ARHGEF4: variants seen among roughly 807,000 people sequenced by gnomAD.
ARHGEF4 encodes the protein Rho guanine nucleotide exchange factor 4.
ARHGEF4 carries 119 observed loss-of-function variants against 162.0 expected under a neutral mutation model. The ratio of observed to expected loss-of-function variants is 0.73; its 90% CI spans 0.63 to 0.86. The LOEUF is 0.86. ARHGEF4 is among the 40% of genes least tolerant of loss of function. ARHGEF4 has a pLI of 0.00. For missense variants in ARHGEF4, 2,488 were observed against 2,456.0 expected, an observed-to-expected ratio of 1.01 and a Z score of -0.28; for synonymous variants, 1,014 against 979.9, an observed-to-expected ratio of 1.03 and a Z score of -0.65.
intron 4 of ARHGEF4, among the ~76,000 whole-genome samples, chr2:130,982,722 A>G (rs1686213043): frequency 6.6e-6 from 1 of 152,100 alleles, no homozygotes; most frequent in South Asian, 2.1e-4. Context: ...TACCAAAAAT[A>G]CATCTTCATA....
rs2105368911 is a variant in ARHGEF4, at chr2:131,028,025, A to G, written c.4066A>G (p.Ser1356Gly). The G allele has an allele frequency of 1.2e-6, 2 of 1,613,966 alleles. No individual in the cohort carries two copies. Among genetic ancestry groups the G allele is most frequent in the Non-Finnish European group, 1.7e-6 (2 of 1,180,012 alleles). The change falls in exon 5 of 14, where the codon AGC becomes GGC. Residue 1356 changes from serine (S) to glycine (G), a missense_variant. Transcript: ENST00000409359. ...SEEDLYDDLH[S>G]SSHHYSHPGG... Reference sequence around the variant, plus strand: ...GGAGGACCTGTATGATGACCTGCACAGCTCCAGCCACCACTACAGCCACCC... The same window carrying G: ...GGAGGACCTGTATGATGACCTGCACGGCTCCAGCCACCACTACAGCCACCC...
chr2:131,034,303 C>A (rs983416339), intron 5 of ARHGEF4, among the ~76,000 whole-genome samples: 1 of 152,228 alleles, frequency 6.6e-6, no homozygotes, highest in African/African-American at 2.4e-5. Context: ...GAAGGACACA[C>A]TGACTGTACC....
At chr2:130,899,223 T>C (rs1317550896) in intron 1 of ARHGEF4, among the ~76,000 whole-genome samples, 1 of 152,218 alleles carries the variant, frequency 6.6e-6, no homozygotes, top group Non-Finnish European at 1.5e-5. Context: ...ACATAACATA[T>C]TCATGGGCAT....
intron 4 of ARHGEF4, among the ~76,000 whole-genome samples, chr2:130,996,115 C>A (rs1687374754): frequency 6.6e-6 from 1 of 152,062 alleles, no homozygotes; most frequent in South Asian, 2.1e-4. Flanking sequence ...GTCTCGAACC[C>A]CTGACCTCAT....
chr2:130,902,496 T>TC (rs1441828872), intron 1 of ARHGEF4, among the ~76,000 whole-genome samples: 14 of 151,796 alleles, frequency 9.2e-5, no homozygotes, highest in Admixed American at 3.9e-4. Context: ...CGGGAGGCTG[T>TC]GGTGGGAGAA....
chr2:130,844,470 G>A (rs922712752), intron 1 of ARHGEF4, among the ~76,000 whole-genome samples: 2 of 152,232 alleles, frequency 1.3e-5, no homozygotes, highest in East Asian at 3.8e-4. Flanking sequence ...AGCTTGAAAT[G>A]CCTTGGGTAT....
chr2:130,954,750 G>A (rs955491010), intron 4 of ARHGEF4, among the ~76,000 whole-genome samples: 1 of 152,090 alleles, frequency 6.6e-6, no homozygotes, highest in African/African-American at 2.4e-5. Flanking sequence ...TTACTATGAT[G>A]TGTCTGTCTG....
intron 5 of ARHGEF4, among the ~76,000 whole-genome samples, chr2:131,038,467 CCTCTCCCTCCTGCAGCCTTGCAGCCCT>C (rs1690477213): frequency 6.9e-6 from 1 of 144,632 alleles, no homozygotes; most frequent in African/African-American, 2.6e-5. Context: ...TGCAGCCCAG[CCTCTCCCTCCTGCAGCCTTGCAGCCCT>C]CAGCCCCTCC....
chr2:131,023,414 C>G (rs1439692243), intron 4 of ARHGEF4, among the ~76,000 whole-genome samples: 1 of 151,836 alleles, frequency 6.6e-6, no homozygotes, highest in Non-Finnish European at 1.5e-5. Flanking sequence ...GCCTAGGCAA[C>G]AAAGCAAGAC....
intron 1 of ARHGEF4, among the ~76,000 whole-genome samples, chr2:130,905,036 G>A (rs2105026562): frequency 6.6e-6 from 1 of 152,300 alleles, no homozygotes; most frequent in Non-Finnish European, 1.5e-5. Context: ...CTAAGATCAG[G>A]CCACTGCACT....
chr2:130,953,382 C>T (rs559991632), intron 4 of ARHGEF4, among the ~76,000 whole-genome samples: 1 of 152,264 alleles, frequency 6.6e-6, no homozygotes, highest in African/African-American at 2.4e-5. Flanking sequence ...GGATCCTTTC[C>T]TTGCACCTTA....
chr2:131,009,213 T>C (rs1688305250), intron 4 of ARHGEF4, among the ~76,000 whole-genome samples: 1 of 152,240 alleles, frequency 6.6e-6, no homozygotes, highest in South Asian at 2.1e-4. Flanking sequence ...ATGTATTTAT[T>C]TCACTTTTAT....
intron 2 of ARHGEF4, among the ~76,000 whole-genome samples, chr2:130,921,849 G>A (rs1363187658): frequency 1.3e-5 from 2 of 151,720 alleles, no homozygotes; most frequent in Admixed American, 6.6e-5. Flanking sequence ...CTGCCACCAC[G>A]CTCAGCTGAT....
chr2:131,036,513 C>T (rs1690296522), intron 5 of ARHGEF4, among the ~76,000 whole-genome samples: 1 of 152,238 alleles, frequency 6.6e-6, no homozygotes, highest in Non-Finnish European at 1.5e-5. Flanking sequence ...TGCCTGGAAG[C>T]TGGCCTCTCT....
intron 4 of ARHGEF4, among the ~76,000 whole-genome samples, chr2:131,001,977 C>T (rs537718652): frequency 1.3e-5 from 2 of 152,246 alleles, no homozygotes; most frequent in East Asian, 3.9e-4. Flanking sequence ...AATAAATATG[C>T]CAAAATGCTG....
Position 130,953,429 on chromosome 2 carries a change from G to A in ARHGEF4, c.3985+6794G>A, listed in dbSNP as rs150078050. 3.6e-3 allele frequency among the ~76,000 whole-genome samples: 548 copies of A among 152,302 alleles called. 3 individuals are homozygous for A. Among genetic ancestry groups the A allele is most frequent in the Middle Eastern group, 0.014 (4 of 294 alleles). ...ATTCAAGGTGGATTAAAACTTAAAT[G>A]TTAGACCTAAAATCGTAAAAGCCCT... On this transcript the variant is annotated intron_variant, in intron 4 of 13. Coordinates refer to ENST00000409359, the MANE Select transcript of ARHGEF4 (RefSeq NM_001367493.1).
At chr2:130,967,755 C>T (rs563393828) in intron 4 of ARHGEF4, among the ~76,000 whole-genome samples, 1 of 152,330 alleles carries the variant, frequency 6.6e-6, no homozygotes, top group South Asian at 2.1e-4. Context: ...GCTAAGCACG[C>T]TGACAGAAGC....
intron 4 of ARHGEF4, among the ~76,000 whole-genome samples, chr2:130,999,166 T>C (rs573178303): frequency 8.0e-5 from 12 of 150,852 alleles, no homozygotes; most frequent in Non-Finnish European, 1.5e-4. Flanking sequence ...TTTTCTTTTT[T>C]TTTTTTTTTT....
intron 4 of ARHGEF4, among the ~76,000 whole-genome samples, chr2:131,024,592 GA>G (rs1165818614): frequency 1.3e-5 from 2 of 152,130 alleles, no homozygotes; most frequent in African/African-American, 2.4e-5. Context: ...CATATTTTAA[GA>G]CCCTAGGGGA....
Sources: gnomAD v4.1 joint callset for allele counts (sites outside exome capture counted in the v4.1 genomes callset) on GRCh38, gnomAD v4.1.1 for gene constraint, MANE v1.5 for transcripts, NCBI Gene and HGNC (gene_info 2026-07-23, HGNC 2026-07-21) for gene names.